TENM4: variants seen among roughly 807,000 people sequenced by gnomAD.
The protein encoded by TENM4 is teneurin transmembrane protein 4, also known as teneurin-4.
TENM4 carries 82 observed loss-of-function variants against 243.3 expected under a neutral mutation model. The ratio of observed to expected loss-of-function variants is 0.34; its 90% CI spans 0.28 to 0.40. The LOEUF (loss-of-function observed/expected upper bound fraction) is 0.40. Among genes scored for constraint, TENM4 ranks in the 10% least tolerant of loss-of-function variants. The probability of loss-of-function intolerance (pLI) is 1.00; values close to 1 mark genes in which losing one functional copy is unlikely to be tolerated. For missense variants in TENM4, 3,138 were observed against 3,673.3 expected, an observed-to-expected ratio of 0.85 and a Z score of 3.77; for synonymous variants, 1,412 against 1,456.3, an observed-to-expected ratio of 0.97 and a Z score of 0.69.
chr11:79,303,167 T>G (rs1419516920), intron 1 of TENM4, among the ~76,000 whole-genome samples: 1 of 152,206 alleles, frequency 6.6e-6, no homozygotes, highest in Non-Finnish European at 1.5e-5. Flanking sequence ...TTCCTTTTAT[T>G]TAAGCATCCC....
At chr11:78,955,569 TG>T (rs11363079) in intron 6 of TENM4, among the ~76,000 whole-genome samples, 10,754 of 152,190 alleles carry the variant, frequency 0.071, 662 homozygotes, top group East Asian at 0.25. Context: ...AAGCCATACA[TG>T]GAAAAGTGTT....
intron 4 of TENM4, among the ~76,000 whole-genome samples, chr11:79,128,723 G>A (rs1243246441): frequency 6.6e-6 from 1 of 152,222 alleles, no homozygotes; most frequent in Non-Finnish European, 1.5e-5. Context: ...CCAGTGGGCA[G>A]AACTTTGAGC....
intron 1 of TENM4, among the ~76,000 whole-genome samples, chr11:79,344,564 C>T (rs1278043742): frequency 1.3e-5 from 2 of 152,218 alleles, no homozygotes; most frequent in African/African-American, 4.8e-5. Flanking sequence ...GGTAGACTGG[C>T]ACTGGAGTCT....
chr11:79,022,468 A>T (rs1008812273), intron 6 of TENM4, among the ~76,000 whole-genome samples: 14 of 152,270 alleles, frequency 9.2e-5, no homozygotes, highest in Admixed American at 8.5e-4. Flanking sequence ...AAACAAGATA[A>T]TGAGTCCCAG....
intron 4 of TENM4, among the ~76,000 whole-genome samples, chr11:79,105,712 G>A (rs1039153318): frequency 1.3e-5 from 2 of 152,308 alleles, no homozygotes; most frequent in Admixed American, 1.3e-4. Context: ...ATGGTTTGAA[G>A]TAAAGAAGTC....
In TENM4 at chr11:79,180,866, C is replaced by T. The variant is rs547110298; in HGVS notation, c.-162-32060G>A. 1.3e-3 allele frequency among the ~76,000 whole-genome samples: 190 copies of T among 150,308 alleles called. 9 individuals carry two copies. Among genetic ancestry groups the T allele is most frequent in the Non-Finnish European group, 2.4e-3 (162 of 67,568 alleles). Reference sequence around the variant, plus strand: ...ATCTGAATAGTCATATATATACACACACATATATATATGTATATCTAAACA... The same window carrying T: ...ATCTGAATAGTCATATATATACACATACATATATATATGTATATCTAAACA... On this transcript the variant is annotated intron_variant, in intron 3 of 33. Transcript: ENST00000278550.
In TENM4 at chr11:78,781,028, C is replaced by T. The variant is rs549808076; in HGVS notation, c.2366-2400G>A. On this transcript the variant is annotated intron_variant, in intron 16 of 33. Coordinates refer to ENST00000278550, the MANE Select transcript of TENM4 (RefSeq NM_001098816.3). ...GTTAATACCAAGTCCATGAGTTTTC[C>T]GGGAATGGAATGGAGCTTCCTTGTC... Among the ~76,000 whole-genome samples, 16 of 152,258 alleles carry T rather than the reference C, an allele frequency of 1.1e-4. No individual in the cohort carries two copies. In the East Asian group the frequency reaches 2.3e-3, roughly 22 times the overall value.
At chr11:79,439,612 C>G (rs1039731809) in intron 1 of TENM4, among the ~76,000 whole-genome samples, 1 of 151,650 alleles carries the variant, frequency 6.6e-6, no homozygotes. Context: ...GTGAACCCCC[C>G]GCCCTTCACC....
chr11:78,744,461 C>T (rs1027931492), intron 19 of TENM4, among the ~76,000 whole-genome samples: 6 of 152,230 alleles, frequency 3.9e-5, no homozygotes, highest in African/African-American at 1.4e-4. Flanking sequence ...AGGGAATGGA[C>T]TTGCCCATTC....
At position 78,805,448 on chromosome 11, in the gene TENM4, T is replaced by G; in HGVS notation, c.2023A>C (p.Arg675=). ...PTCSGRGVCV[R]GECHCSVGWG... is the part of the protein sequence containing the mutation. The stretch of plus-strand genomic sequence containing the variant: ...CCCACAGAGCAGTGGCATTCGCCTC[T>G]CACGCAGACACCCCGGCCTGAACAT... Residue 675 remains arginine (R), a synonymous_variant, in exon 15 of 34, where the codon AGA becomes CGA. Transcript: ENST00000278550. 6.3e-7 allele frequency: 1 copy of G among 1,597,052 alleles called. No individual in the cohort carries two copies. The highest frequency in any genetic ancestry group is 1.1e-5 in the South Asian group (1 of 87,854).
At chr11:78,852,924 A>ATTAT (rs1555090375) in intron 12 of TENM4, among the ~76,000 whole-genome samples, 16 of 150,438 alleles carry the variant, frequency 1.1e-4, no homozygotes, top group Non-Finnish European at 1.0e-4. Context: ...TACTTTTAAT[A>ATTAT]TTTTTTTTTG....
intron 2 of TENM4, among the ~76,000 whole-genome samples, chr11:79,219,164 C>T (rs1864111869): frequency 6.6e-6 from 1 of 152,190 alleles, no homozygotes; most frequent in Non-Finnish European, 1.5e-5. Context: ...GGAGACAGGG[C>T]AGGTACTCCA....
chr11:79,309,759 A>G (rs1382506151), intron 1 of TENM4, among the ~76,000 whole-genome samples: 1 of 152,228 alleles, frequency 6.6e-6, no homozygotes, highest in Non-Finnish European at 1.5e-5. Flanking sequence ...CAGAGAAAAG[A>G]CAAGACTTCC....
intron 3 of TENM4, among the ~76,000 whole-genome samples, chr11:79,188,682 G>A (rs1004917736): frequency 2.0e-5 from 3 of 151,486 alleles, no homozygotes; most frequent in Non-Finnish European, 4.4e-5. Flanking sequence ...ATGGGGAAGA[G>A]GAGAAAAGAG....
intron 4 of TENM4, among the ~76,000 whole-genome samples, chr11:79,122,258 G>A (rs1460586805): frequency 1.3e-5 from 2 of 152,154 alleles, no homozygotes; most frequent in Admixed American, 6.5e-5. Flanking sequence ...GGAAAGAAAG[G>A]AGGAAGGGAA....
chr11:79,252,360 G>A (rs375245055), intron 2 of TENM4, among the ~76,000 whole-genome samples: 36 of 152,260 alleles, frequency 2.4e-4, no homozygotes, highest in South Asian at 1.7e-3. Flanking sequence ...TCAGCCTTCC[G>A]AGTAGCTGGG....
At chr11:78,876,554 T>A (rs1356082916) in intron 9 of TENM4, among the ~76,000 whole-genome samples, 1 of 152,222 alleles carries the variant, frequency 6.6e-6, no homozygotes, top group Non-Finnish European at 1.5e-5. Context: ...TGCCTTGTAA[T>A]TTTTTCCTGA....
chr11:79,114,798 ATTG>A (rs921429535), intron 4 of TENM4, among the ~76,000 whole-genome samples: 8 of 152,202 alleles, frequency 5.3e-5, no homozygotes, highest in African/African-American at 1.9e-4. Context: ...AGCCCTCTGG[ATTG>A]TTGTGTCTGG....
intron 19 of TENM4, among the ~76,000 whole-genome samples, chr11:78,746,592 T>C (rs1856056403): frequency 6.6e-6 from 1 of 152,206 alleles, no homozygotes; most frequent in Non-Finnish European, 1.5e-5. Context: ...TTGTCCACCA[T>C]ACTATGCTTC....
Sources: gnomAD v4.1 joint callset for allele counts (sites outside exome capture counted in the v4.1 genomes callset) on GRCh38, gnomAD v4.1.1 for gene constraint, MANE v1.5 for transcripts, NCBI Gene and HGNC (gene_info 2026-07-23, HGNC 2026-07-21) for gene names.